FILIP1L: variants seen among roughly 807,000 people sequenced by gnomAD.
FILIP1L encodes filamin A interacting protein 1 like, also known as filamin A-interacting protein 1-like.
FILIP1L carries 55 observed loss-of-function variants against 96.6 expected under a neutral mutation model. The ratio of observed to expected loss-of-function variants is 0.57; its 90% CI spans 0.46 to 0.71. The LOEUF (loss-of-function observed/expected upper bound fraction) is 0.71. Ranked by LOEUF, FILIP1L falls within the 30% of genes least tolerant of loss-of-function variation. The pLI, the probability that FILIP1L is intolerant of heterozygous loss-of-function variation, is 0.00. For synonymous variants in FILIP1L, 467 were observed against 473.9 expected, an observed-to-expected ratio of 0.99 and a Z score of 0.19; for missense variants, 1,304 against 1,321.2, an observed-to-expected ratio of 0.99 and a Z score of 0.20.
At chr3:99,855,188 C>A (rs1031966198) in intron 4 of FILIP1L, among the ~76,000 whole-genome samples, 8 of 152,172 alleles carry the variant, frequency 5.3e-5, no homozygotes, top group African/African-American at 1.9e-4. Flanking sequence ...CATGACCACC[C>A]ATTTTTTTCA....
chr3:99,883,843 C>T (rs897861993), intron 4 of FILIP1L, among the ~76,000 whole-genome samples: 1 of 152,152 alleles, frequency 6.6e-6, no homozygotes, highest in Non-Finnish European at 1.5e-5. Flanking sequence ...AACTGAGGAA[C>T]AGAGAGGTTA....
In FILIP1L at chr3:100,087,190, G is replaced by C. The variant is rs138310460; in HGVS notation, c.-11+26863C>G. Reference sequence around the variant, plus strand: ...CACGTACAGGTTTTAAGTGAATGTAGCTTTCTTGTGAGTGTTTCTCTAGGA... The same window carrying C: ...CACGTACAGGTTTTAAGTGAATGTACCTTTCTTGTGAGTGTTTCTCTAGGA... On this transcript the variant is annotated intron_variant, in intron 1 of 5. Coordinates refer to ENST00000477258, the MANE Select transcript of FILIP1L (RefSeq NM_001387850.1). 2.8e-3 allele frequency among the ~76,000 whole-genome samples: 429 copies of C among 152,320 alleles called. 3 individuals are homozygous for C. Among genetic ancestry groups the C allele is most frequent in the African/African-American group, 9.7e-3 (405 of 41,566 alleles).
intron 3 of FILIP1L, among the ~76,000 whole-genome samples, chr3:99,925,152 A>G (rs961324565): frequency 5.9e-5 from 9 of 152,188 alleles, no homozygotes; most frequent in Admixed American, 5.9e-4. Context: ...CTCTACCAGG[A>G]CATGCTATGA....
intron 4 of FILIP1L, among the ~76,000 whole-genome samples, chr3:99,892,516 A>C (rs1706116090): frequency 6.6e-6 from 1 of 152,192 alleles, no homozygotes; most frequent in Non-Finnish European, 1.5e-5. Context: ...TAGACATAGC[A>C]TGTTGCCTCT....
intron 1 of FILIP1L, among the ~76,000 whole-genome samples, chr3:99,964,949 G>T (rs1186087568): frequency 6.6e-6 from 1 of 152,126 alleles, no homozygotes; most frequent in Non-Finnish European, 1.5e-5. Flanking sequence ...TATAAAAATT[G>T]TTCTTCAAAC....
intron 4 of FILIP1L, among the ~76,000 whole-genome samples, chr3:99,894,385 G>T (rs1284296172): frequency 6.6e-6 from 1 of 152,142 alleles, no homozygotes; most frequent in Non-Finnish European, 1.5e-5. Context: ...GGCCAGAGGT[G>T]GATTCACTGG....
intron 1 of FILIP1L, among the ~76,000 whole-genome samples, chr3:100,084,707 CA>C (rs923156646): frequency 6.6e-6 from 1 of 152,166 alleles, no homozygotes; most frequent in Non-Finnish European, 1.5e-5. Context: ...ATGGATATTA[CA>C]GATCAACCTC....
At chr3:100,045,748 C>G (rs564254862) in intron 1 of FILIP1L, among the ~76,000 whole-genome samples, 3 of 152,212 alleles carry the variant, frequency 2.0e-5, no homozygotes, top group African/African-American at 7.2e-5. Flanking sequence ...CATTTCCAGA[C>G]GGCAGCTTTG....
At chr3:100,027,554 C>T (rs944619233) in intron 1 of FILIP1L, among the ~76,000 whole-genome samples, 2 of 152,086 alleles carry the variant, frequency 1.3e-5, no homozygotes, top group African/African-American at 4.8e-5. Context: ...TGAGTTCTTC[C>T]CTTCCATTCC....
chr3:99,978,346 C>A (rs1709027354), intron 1 of FILIP1L, among the ~76,000 whole-genome samples: 1 of 152,182 alleles, frequency 6.6e-6, no homozygotes, highest in African/African-American at 2.4e-5. Flanking sequence ...AGGCTTATTG[C>A]AGCACTATTC....
At chr3:100,044,487 G>T (rs1002801375) in intron 1 of FILIP1L, among the ~76,000 whole-genome samples, 1 of 152,110 alleles carries the variant, frequency 6.6e-6, no homozygotes, top group African/African-American at 2.4e-5. Flanking sequence ...ACAGGCTAAA[G>T]GACAGCTTGC....
At chr3:99,988,719 T>C (rs1395322087) in intron 1 of FILIP1L, among the ~76,000 whole-genome samples, 1 of 152,088 alleles carries the variant, frequency 6.6e-6, no homozygotes, top group Non-Finnish European at 1.5e-5. Flanking sequence ...CCTTTAAACA[T>C]AAAAAAAGCA....
intron 4 of FILIP1L, among the ~76,000 whole-genome samples, chr3:99,892,125 A>C (rs1706102143): frequency 6.6e-6 from 1 of 152,218 alleles, no homozygotes. Context: ...ATATCACTGG[A>C]GTCTCATTCC....
intron 4 of FILIP1L, among the ~76,000 whole-genome samples, chr3:99,864,155 T>C (rs969589151): frequency 1.6e-4 from 24 of 152,220 alleles, no homozygotes; most frequent in African/African-American, 5.3e-4. Context: ...ATTTGACTTA[T>C]AACAACAGCT....
intron 1 of FILIP1L, among the ~76,000 whole-genome samples, chr3:100,000,765 G>A (rs1709819250): frequency 6.6e-6 from 1 of 152,208 alleles, no homozygotes; most frequent in Admixed American, 6.5e-5. Context: ...AGTAGCCACT[G>A]TTTACAGTTT....
chr3:99,966,923 TG>T (rs1433212762), intron 1 of FILIP1L, among the ~76,000 whole-genome samples: 1 of 152,202 alleles, frequency 6.6e-6, no homozygotes. Context: ...TGAAAATAGA[TG>T]GAGTATGCCT....
intron 5 of FILIP1L, among the ~76,000 whole-genome samples, chr3:99,842,602 A>G (rs1217966611): frequency 6.6e-6 from 1 of 152,120 alleles, no homozygotes; most frequent in African/African-American, 2.4e-5. Context: ...AAATAAGAAA[A>G]CTAGTTTCAG....
chr3:99,956,698 C>T (rs756466508), intron 1 of FILIP1L, among the ~76,000 whole-genome samples: 6 of 152,188 alleles, frequency 3.9e-5, no homozygotes, highest in Non-Finnish European at 7.4e-5. Flanking sequence ...TCTTGCCCAT[C>T]AAATACCCCC....
intron 1 of FILIP1L, among the ~76,000 whole-genome samples, chr3:99,957,693 C>CTTTTTTTTTTTTTTTT (rs779350496): frequency 0.017 from 347 of 19,868 alleles, 66 homozygotes; most frequent in Non-Finnish European, 0.025. Context: ...TTCTTTCTTT[C>CTTTTTTTTTTTTTTTT]TTTTTTTTTT....
Sources: allele counts gnomAD v4.1 joint callset (sites outside exome capture counted in the v4.1 genomes callset), GRCh38; gene constraint gnomAD v4.1.1; transcripts MANE v1.5; gene names NCBI Gene and HGNC (gene_info 2026-07-23, HGNC 2026-07-21).